The following ATP1A3 variants were observed in gnomAD, a reference collection of about 807,000 sequenced individuals.
ATP1A3 encodes the protein ATPase Na+/K+ transporting subunit alpha 3, also known as sodium/potassium-transporting ATPase subunit alpha-3.
In ATP1A3, 12 loss-of-function variants were observed where a neutral mutation model predicts 108.8. That is an observed-to-expected ratio of 0.11 (90% CI 0.07 to 0.18). ATP1A3 has a LOEUF of 0.18. Ranked by LOEUF, ATP1A3 falls within the 10% of genes least tolerant of loss-of-function variation. ATP1A3 has a pLI of 1.00. For missense variants in ATP1A3, 498 were observed against 1,387.7 expected (o/e 0.36, Z 10.19); for synonymous variants, 539 against 564.5 (o/e 0.95, Z 0.64).
chr19:41,984,022 G>A (rs951823986), intron 8 of ATP1A3, among the ~76,000 whole-genome samples: 15 of 151,686 alleles, frequency 9.9e-5, no homozygotes, highest in Non-Finnish European at 1.9e-4. Context: ...TGATCCACCC[G>A]CCTCGGCCTC....
Position 41,967,696 on chromosome 19 carries a change from C to T in ATP1A3, c.2887G>A (p.Gly963Ser), listed in dbSNP as rs200582951. ...ALAAFLSYCPGMDVALRMYPL... is the reference protein window; with the variant it reads ...ALAAFLSYCPSMDVALRMYPL... ...TACATGCGCAGGGCCACGTCCATGCCGGGGCAGTAGGACAGGAAGGCAGCC... is the reference window on the plus strand; with the variant it reads ...TACATGCGCAGGGCCACGTCCATGCTGGGGCAGTAGGACAGGAAGGCAGCC... Residue 963 changes from glycine to serine, a missense_variant, in exon 21 of 23, where the codon GGC becomes AGC. Physicochemically the swap from Gly to Ser is moderately conservative, Grantham distance 56. This residue lies in a region of ATP1A3 where 121 missense variants were observed against 425.1 expected (regional missense o/e 0.28). Coordinates refer to ENST00000648268, the MANE Select transcript of ATP1A3 (RefSeq NM_152296.5). The surrounding 1 kb of genome is among the most constrained non-coding windows in gnomAD (Gnocchi z 4.2). The T allele has an allele frequency of 6.2e-6, 10 of 1,613,898 alleles. No homozygotes were observed. The highest frequency in any genetic ancestry group is 1.1e-5 in the South Asian group (1 of 91,072).
At chr19:41,974,169 T>C (rs181830998) in intron 16 of ATP1A3, among the ~76,000 whole-genome samples, 25 of 152,094 alleles carry the variant, frequency 1.6e-4, no homozygotes, top group African/African-American at 5.5e-4. Context: ...AGGTGGAGGC[T>C]ACAGTAAGCC....
rs1555868227 is a variant in ATP1A3 at position 41,994,083 on chromosome 19, G to T, written c.-7C>A. On this transcript the variant is annotated 5_prime_UTR_variant, in exon 1 of 23. Transcript: ENST00000648268. ...GCTCAGCACCTACCCCCATCTTGGC[G>T]GCTCCGCGGCGAGAGAGCCAGGCGG... The T allele has an allele frequency of 1.3e-6, 2 of 1,596,768 alleles. No individual in the cohort carries two copies. The highest frequency in any genetic ancestry group is 1.7e-5 in the Admixed American group (1 of 58,952).
intron 1 of ATP1A3, chr19:41,993,145 C>T (rs1245994587): frequency 2.7e-4 from 82 of 303,582 alleles, no homozygotes; most frequent in Middle Eastern, 1.0e-3. Context: ...CTTCATCCCA[C>T]CTACCCCCAC....
intron 1 of ATP1A3, chr19:41,993,524 CACA>C: frequency 8.1e-7 from 1 of 1,230,416 alleles, no homozygotes; most frequent in Non-Finnish European, 1.1e-6. Context: ...CACACACACA[CACA>C]CACACACACA....
rs781875807 is a variant in ATP1A3, at chr19:41,975,809, G to C, written c.2095-12C>G. The C allele has an allele frequency of 3.1e-6, 5 of 1,613,544 alleles. No individual in the cohort carries two copies. The African/African-American group carries it at 4.0e-5, about 13-fold the overall frequency. On this transcript the variant is annotated splice_polypyrimidine_tract_variant and intron_variant, in intron 15 of 22. Transcript: ENST00000648268. ...GCCACAATTGCACCCTGGAGGGAGA[G>C]AGGGTAAGGATGACACCCAGAGGCC...
In ATP1A3 at chr19:41,967,892, G is replaced by C. The variant is rs961463961; in HGVS notation, c.2820-129C>G. The stretch of plus-strand genomic sequence containing the variant: ...GCACAGACACAGAGACAGAGAGGCA[G>C]AGACATAGGGAGAGACAGAGATGGG... On this transcript the variant is annotated intron_variant, in intron 20 of 22. Transcript: ENST00000648268. This position sits in a 1 kb window ranked among gnomAD's most constrained non-coding sequence, Gnocchi z 4.2. The C allele has an allele frequency of 6.4e-6, 5 of 777,286 alleles. No individual in the cohort carries two copies. Among genetic ancestry groups the C allele is most frequent in the Non-Finnish European group, 1.1e-5 (5 of 443,598 alleles). The allele number at this position is 777,286 out of a possible 1,614,324, so 48.1% of individuals were successfully genotyped here.
intron 1 of ATP1A3, chr19:41,993,065 C>A (rs1555867961): frequency 5.4e-6 from 1 of 185,196 alleles, no homozygotes; most frequent in East Asian, 1.6e-4. Flanking sequence ...CATCCCTGGG[C>A]CCATCAGCCT....
chr19:41,968,829 G>T lies in ATP1A3; in HGVS notation c.2775C>A (p.Ile925=). ...CCGAGTTCCTCCGGGTCTTGCAGATGATCAGATCGGCCCACTGGACGACAA... is the reference window on the plus strand; with the variant it reads ...CCGAGTTCCTCCGGGTCTTGCAGATTATCAGATCGGCCCACTGGACGACAA... ...SIVVVQWADL[I]ICKTRRNSVF... is the part of the protein sequence containing the mutation. The change falls in exon 20 of 23, where the codon ATC becomes ATA. Residue 925 remains isoleucine, a synonymous_variant. Transcript: ENST00000648268. The surrounding 1 kb of genome is among the most constrained non-coding windows in gnomAD (Gnocchi z 5.0). 6.2e-7 allele frequency: 1 copy of T among 1,614,166 alleles called. No individual in the cohort carries two copies. The highest frequency in any genetic ancestry group is 8.5e-7 in the Non-Finnish European group (1 of 1,179,994).
chr19:41,970,034 T>C, intron 18 of ATP1A3, 151 bp downstream of exon 18: 2 of 1,311,220 alleles, frequency 1.5e-6, no homozygotes, highest in Admixed American at 1.8e-5. Flanking sequence ...AAGGATGGGG[T>C]GCAGACCCCC....
rs782250260 is a variant in ATP1A3 at position 41,967,644 on chromosome 19, G to A, written c.2921+18C>T. The A allele has an allele frequency of 1.2e-5, 19 of 1,612,724 alleles. No individual in the cohort carries two copies. Among genetic ancestry groups the A allele is most frequent in the African/African-American group, 2.7e-5 (2 of 74,874 alleles). On this transcript the variant is annotated intron_variant, in intron 21 of 22. Transcript: ENST00000648268. The surrounding 1 kb of genome is among the most constrained non-coding windows in gnomAD (Gnocchi z 4.2). ...CAGGCGCTGGTGTGGGCAGGGCTGG[G>A]GGCAGCGGGGCACTCACTTGAGAGG...
At chr19:41,983,819 G>C (rs1368524358) in intron 8 of ATP1A3, among the ~76,000 whole-genome samples, 16 of 136,664 alleles carry the variant, frequency 1.2e-4, no homozygotes, top group Admixed American at 2.4e-4. Context: ...TTGTCGCCCA[G>C]GCTGGAGTGA....
chr19:41,978,755 A>T lies in ATP1A3; in HGVS notation c.1481T>A (p.Leu494Gln). 6.2e-7 allele frequency: 1 copy of T among 1,614,004 alleles called. No individual in the cohort carries two copies. Residue 494 changes from leucine (L) to glutamine (Q), a missense_variant, in exon 12 of 23, where the codon CTG becomes CAG. Around this residue, in one of 9 missense-constraint regions of ATP1A3, gnomAD observed 92 missense variants for 168.7 expected, o/e 0.55. Transcript: ENST00000648268. The surrounding 1 kb of genome is among the most constrained non-coding windows in gnomAD (Gnocchi z 8.3). Reference sequence around the variant, plus strand: ...CTCGGGGGCACCCTTCATCACCAGCAGGTATCGGTTGTCGTTGGGGTCCTC... The same window carrying T: ...CTCGGGGGCACCCTTCATCACCAGCTGGTATCGGTTGTCGTTGGGGTCCTC... ...ETEDPNDNRY[L>Q]LVMKGAPERI...
intron 5 of ATP1A3, 35 bp downstream of exon 5, chr19:41,986,081 C>T: frequency 1.2e-6 from 2 of 1,614,128 alleles, no homozygotes; most frequent in Non-Finnish European, 1.7e-6. Context: ...CATACACTAA[C>T]ACCCCCGTCT....
chr19:41,988,217 T>G lies in ATP1A3; in HGVS notation c.154-78A>C. ...AGGCCTTCACCAGACCCCCAGAACT[T>G]AAGACACCAGCCACAGCCCCTCCTC... On this transcript the variant is annotated intron_variant, in intron 3 of 22. Transcript: ENST00000648268. This position sits in a 1 kb window ranked among gnomAD's most constrained non-coding sequence, Gnocchi z 5.3. The G allele has an allele frequency of 1.2e-6, 2 of 1,612,078 alleles. No individual in the cohort carries two copies. Among genetic ancestry groups the G allele is most frequent in the Non-Finnish European group, 1.7e-6 (2 of 1,178,374 alleles).
At chr19:41,979,034 G>A (rs1291951516) in intron 11 of ATP1A3, among the ~76,000 whole-genome samples, 27 of 149,396 alleles carry the variant, frequency 1.8e-4, no homozygotes, top group African/African-American at 4.2e-4. Flanking sequence ...ACAGAGTCTC[G>A]CTCTGTTGCC....
At chr19:41,991,306 T>G (rs1382337573) in intron 1 of ATP1A3, among the ~76,000 whole-genome samples, 1 of 139,230 alleles carries the variant, frequency 7.2e-6, no homozygotes, top group Non-Finnish European at 1.5e-5. Flanking sequence ...GGTGGGGGTG[T>G]GCAGGGAGGG....
In ATP1A3 at chr19:41,970,406, G is replaced by A. The variant is rs782552524; in HGVS notation, c.2400C>T (p.Ile800=). The A allele has an allele frequency of 3.1e-6, 5 of 1,614,206 alleles. No individual in the cohort carries two copies. The highest frequency in any genetic ancestry group is 1.1e-5 in the South Asian group (1 of 91,086). Residue 800 remains isoleucine, a synonymous_variant, in exon 17 of 23, where the codon ATC becomes ATT. Coordinates refer to ENST00000648268, the MANE Select transcript of ATP1A3 (RefSeq NM_152296.5). ...GGCTCACCATGTCAGTGCCCAGATC[G>A]ATGCAGAGGATGGTGATGGTGCCCA... is the stretch of plus-strand genomic sequence containing the variant. ...LPLGTITILC[I]DLGTDMVPAI...
Position 41,970,045 on chromosome 19 carries a change from C to T in ATP1A3, c.2542+140G>A, listed in dbSNP as rs188852917. ...GGAGAAGGATGGGGTGCAGACCCCC[C>T]CCACAGATAGCTCACTGGTTGGTCC... On this transcript the variant is annotated intron_variant, in intron 18 of 22. Coordinates refer to ENST00000648268, the MANE Select transcript of ATP1A3 (RefSeq NM_152296.5). The T allele has an allele frequency of 3.0e-3, 4,198 of 1,399,210 alleles. 8 individuals carry two copies. The highest frequency in any genetic ancestry group is 6.4e-3 in the Middle Eastern group (28 of 4,354). 86.7% of individuals were successfully genotyped at this position (1,399,210 alleles called of 1,614,324 possible). A position where few individuals can be genotyped will look rare whatever the true frequency, so the allele number is the denominator to read the frequency against.
Sources: allele counts gnomAD v4.1 joint callset (sites outside exome capture counted in the v4.1 genomes callset), GRCh38; gene constraint gnomAD v4.1.1; regional missense constraint gnomAD v4.1.1; non-coding constraint Gnocchi (gnomAD v3.1); transcripts MANE v1.5; gene names NCBI Gene and HGNC (gene_info 2026-07-23, HGNC 2026-07-21).